The following PPHLN1 variants were observed in gnomAD, a reference collection of about 807,000 sequenced individuals.
PPHLN1 encodes periphilin 1.
PPHLN1 carries 29 observed loss-of-function variants against 51.3 expected under a neutral mutation model. The observed-to-expected ratio is 0.57, with a 90% CI of 0.42 to 0.77. The LOEUF is 0.77. Ranked by LOEUF, PPHLN1 falls within the 30% of genes least tolerant of loss-of-function variation. The pLI, the probability that PPHLN1 is intolerant of heterozygous loss-of-function variation, is 0.00. For missense variants in PPHLN1, 436 were observed against 438.4 expected (o/e 0.99, Z 0.05); for synonymous variants, 147 against 147.8 (o/e 0.99, Z 0.04).
chr12:42,445,395 A>G (rs1447873143), downstream of PPHLN1: 1 of 437,602 alleles, frequency 2.3e-6, no homozygotes, highest in African/African-American at 2.0e-5. Context: ...TGTTAACCCT[A>G]GAGGACTAGA....
chr12:42,329,194 C>G lies in PPHLN1; in HGVS notation c.-21+2965C>G, dbSNP rs959305372. On this transcript the variant is annotated intron_variant, in intron 1 of 9. Coordinates refer to ENST00000358314, the MANE Select transcript of PPHLN1 (RefSeq NM_201439.2). The stretch of plus-strand genomic sequence containing the variant: ...TTGGCTCACTGCAAGCTCCCCCTCC[C>G]GGGTTCATGCCATTCTCCTGCCTCA... 2.0e-5 allele frequency among the ~76,000 whole-genome samples: 3 copies of G among 151,768 alleles called. No homozygotes were observed. The South Asian group carries it at 6.2e-4, about 32-fold the overall frequency.
intron 9 of PPHLN1, among the ~76,000 whole-genome samples, chr12:42,425,038 T>TTATGTATGTATA (rs1555219786): frequency 0.015 from 2,007 of 136,952 alleles, 38 homozygotes; most frequent in African/African-American, 0.042. Context: ...TTATTTTATT[T>TTATGTATGTATA]TATGTATGTA....
chr12:42,401,264 A>G (rs1255823756), intron 9 of PPHLN1, among the ~76,000 whole-genome samples: 3 of 152,072 alleles, frequency 2.0e-5, no homozygotes, highest in Non-Finnish European at 4.4e-5. Context: ...TGCCATCTGT[A>G]GAAGGACGAG....
downstream of PPHLN1, chr12:42,444,737 T>C (rs1418259248): frequency 3.1e-6 from 1 of 319,292 alleles, no homozygotes; most frequent in African/African-American, 2.2e-5. Context: ...CACTCTCTGA[T>C]TATGCAGGCC....
rs2069351054 is a variant in PPHLN1 at position 42,329,406 on chromosome 12, G to A, written c.-21+3177G>A. 2.0e-5 allele frequency among the ~76,000 whole-genome samples: 3 copies of A among 151,992 alleles called. 1 individual carries two copies. The highest frequency in any genetic ancestry group is 4.1e-4 in the South Asian group (2 of 4,824). On this transcript the variant is annotated intron_variant, in intron 1 of 9. Transcript: ENST00000358314. ...AAGCGTGAGCCACCGCGCCCGGCCT[G>A]GAATTTCAAATATTTTCTAATAGAA... is the stretch of plus-strand genomic sequence containing the variant.
intron 4 of PPHLN1, among the ~76,000 whole-genome samples, chr12:42,371,840 G>T (rs1405403739): frequency 6.6e-6 from 1 of 152,118 alleles, no homozygotes; most frequent in African/African-American, 2.4e-5. Flanking sequence ...AAAATAAAAT[G>T]CTAAAATTAA....
intron 5 of PPHLN1, among the ~76,000 whole-genome samples, chr12:42,383,709 G>C (rs773833997): frequency 3.3e-5 from 5 of 152,074 alleles, no homozygotes; most frequent in Non-Finnish European, 5.9e-5. Context: ...GGCTGGTCGT[G>C]GTGGCTCACG....
At chr12:42,364,697 G>C (rs1032146833) in intron 4 of PPHLN1, among the ~76,000 whole-genome samples, 1 of 152,056 alleles carries the variant, frequency 6.6e-6, no homozygotes, top group African/African-American at 2.4e-5. Flanking sequence ...GAGGTGGGTG[G>C]ATCACCTGAG....
At chr12:42,340,659 A>G (rs2071345658) in intron 2 of PPHLN1, among the ~76,000 whole-genome samples, 1 of 152,226 alleles carries the variant, frequency 6.6e-6, no homozygotes, top group Non-Finnish European at 1.5e-5. Flanking sequence ...TTTTGGGAAG[A>G]GGCAGTAGTG....
At chr12:42,437,862 C>T (rs1422355814) in intron 9 of PPHLN1, among the ~76,000 whole-genome samples, 3 of 152,198 alleles carry the variant, frequency 2.0e-5, no homozygotes, top group Non-Finnish European at 4.4e-5. Context: ...TTTCCCCTGG[C>T]AACTTATGAT....
Position 42,441,538 on chromosome 12 carries a change from A to AC in PPHLN1, c.*29_*30insC, listed in dbSNP as rs758395117. 5.8e-5 allele frequency: 88 copies of AC among 1,522,398 alleles called. No individual in the cohort carries two copies. The East Asian group carries it at 2.0e-3, about 34-fold the overall frequency. 94.3% of individuals were successfully genotyped at this position (1,522,398 alleles called of 1,614,324 possible). A position where few individuals can be genotyped will look rare whatever the true frequency, so the allele number is the denominator to read the frequency against. ...TTTCTGCTCAGGCTAAAAAAAAAAA[A>AC]AAACAGTTTCTAAAAATTTTTTTTC... On this transcript the variant is annotated 3_prime_UTR_variant, in exon 10 of 10. Transcript: ENST00000358314.
At chr12:42,409,365 C>T (rs1425721010) in intron 9 of PPHLN1, among the ~76,000 whole-genome samples, 1 of 152,092 alleles carries the variant, frequency 6.6e-6, no homozygotes, top group African/African-American at 2.4e-5. Context: ...TGATAATATG[C>T]TGTTATATTG....
chr12:42,356,944 T>G (rs1342098617), intron 4 of PPHLN1, among the ~76,000 whole-genome samples: 2 of 152,200 alleles, frequency 1.3e-5, no homozygotes, highest in Non-Finnish European at 2.9e-5. Flanking sequence ...GTCTATAGAC[T>G]GTAAGAACTA....
At chr12:42,432,046 T>C (rs2082081888) in intron 9 of PPHLN1, 6 of 1,560,714 alleles carry the variant, frequency 3.8e-6, no homozygotes, top group Non-Finnish European at 3.5e-6. Flanking sequence ...ACAGAACTGA[T>C]GGAGGATTTG....
Position 42,384,971 on chromosome 12 carries a change from G to T in PPHLN1, c.543G>T (p.Arg181=), listed in dbSNP as rs2077070930. The change falls in exon 6 of 10, where the codon CGG becomes CGT. Residue 181 remains arginine (R), a synonymous_variant. Transcript: ENST00000358314. ...TGCGTCCTGGTGCCTCCTACAAACGGCAGAATGAAGGAAATCCTGAAAGAG... is the reference window on the plus strand; with the variant it reads ...TGCGTCCTGGTGCCTCCTACAAACGTCAGAATGAAGGAAATCCTGAAAGAG... ...KSVRPGASYK[R]QNEGNPERDK... is the part of the protein sequence containing the mutation. 3.1e-6 allele frequency: 5 copies of T among 1,612,046 alleles called. No individual in the cohort carries two copies. In the African/African-American group the frequency reaches 4.0e-5, roughly 13 times the overall value.
intron 1 of PPHLN1, among the ~76,000 whole-genome samples, chr12:42,327,270 C>T (rs1244566909): frequency 6.6e-6 from 1 of 152,180 alleles, no homozygotes. Context: ...CTATTTCCTG[C>T]TTAAACTATT....
At chr12:42,444,241 A>G (rs2083169644), downstream of PPHLN1, 1 of 151,994 alleles carries the variant, frequency 6.6e-6, no homozygotes, top group African/African-American at 2.4e-5. Flanking sequence ...AGCAACTAAC[A>G]TACCTTAAAT....
chr12:42,380,616 G>T (rs1192646688), intron 5 of PPHLN1, among the ~76,000 whole-genome samples: 2 of 152,008 alleles, frequency 1.3e-5, no homozygotes, highest in African/African-American at 4.8e-5. Context: ...TTTGATTATA[G>T]CTGAAATTCT....
chr12:42,428,414 T>G (rs2081694370), intron 9 of PPHLN1, among the ~76,000 whole-genome samples: 1 of 152,208 alleles, frequency 6.6e-6, no homozygotes, highest in Non-Finnish European at 1.5e-5. Context: ...ATATATACAA[T>G]AGATTACTAC....
Sources: gnomAD v4.1 joint callset for allele counts (sites outside exome capture counted in the v4.1 genomes callset) on GRCh38, gnomAD v4.1.1 for gene constraint, MANE v1.5 for transcripts, NCBI Gene and HGNC (gene_info 2026-07-23, HGNC 2026-07-21) for gene names.